CAST: variants seen among roughly 807,000 people sequenced by gnomAD.
CAST encodes calpastatin, also known as MIR583 host.
Under a neutral mutation model 119.6 loss-of-function variants are expected in CAST, and 76 were observed. The ratio of observed to expected loss-of-function variants is 0.64; its 90% confidence interval spans 0.53 to 0.77. The LOEUF (loss-of-function observed/expected upper bound fraction) is 0.77. Among genes scored for constraint, CAST ranks in the 30% least tolerant of loss-of-function variants. The pLI is 0.00. For synonymous variants in CAST, 319 were observed against 331.6 expected (o/e 0.96, Z 0.41); for missense variants, 953 against 946.5 (o/e 1.01, Z -0.09).
At chr5:96,646,711 T>G (rs1005507947) in intron 1 of CAST, among the ~76,000 whole-genome samples, 5 of 152,228 alleles carry the variant, frequency 3.3e-5, no homozygotes, top group Non-Finnish European at 5.9e-5. Context: ...CATCATCGAT[T>G]GATTTTTATT....
At chr5:96,682,672 A>G (rs1033521314) in intron 2 of CAST, among the ~76,000 whole-genome samples, 5 of 152,084 alleles carry the variant, frequency 3.3e-5, no homozygotes, top group African/African-American at 9.7e-5. Flanking sequence ...GTCAGCTGTG[A>G]TGAGCACATT....
chr5:96,467,279 A>T, the CAST span, among the ~76,000 whole-genome samples: 1 of 152,132 alleles, frequency 6.6e-6, no homozygotes, highest in Admixed American at 6.6e-5. Flanking sequence ...ATTAGTATAT[A>T]AGTTGTCTTT....
chr5:96,510,385 C>T, the CAST span, among the ~76,000 whole-genome samples: 1 of 152,112 alleles, frequency 6.6e-6, no homozygotes, highest in Non-Finnish European at 1.5e-5. Flanking sequence ...AGTAACCTTC[C>T]AGTTTGATGA....
chr5:96,388,745 T>C, the CAST span, among the ~76,000 whole-genome samples: 1 of 152,206 alleles, frequency 6.6e-6, no homozygotes, highest in Non-Finnish European at 1.5e-5. Flanking sequence ...TACACGTGCA[T>C]GTATTTGTGT....
chr5:96,694,654 C>A lies in CAST; in HGVS notation c.139-1182C>A, dbSNP rs148470437. 6.2e-3 allele frequency among the ~76,000 whole-genome samples: 940 copies of A among 152,084 alleles called. 10 individuals carry two copies. Among genetic ancestry groups the A allele is most frequent in the African/African-American group, 0.021 (889 of 41,474 alleles). On this transcript the variant is annotated intron_variant, in intron 2 of 31. Transcript: ENST00000675179. ...TCAAAAAAACAAACAAACAAACAAA[C>A]AAAAAAACTTTATGTGCTTGCTTCT...
the CAST span, among the ~76,000 whole-genome samples, chr5:96,032,745 A>G: frequency 6.6e-6 from 1 of 152,064 alleles, no homozygotes; most frequent in Non-Finnish European, 1.5e-5. Context: ...ATTGTGAAAA[A>G]CTTTATATAC....
chr5:96,689,874 T>C (rs1468103396), intron 2 of CAST, among the ~76,000 whole-genome samples: 5 of 152,200 alleles, frequency 3.3e-5, no homozygotes, highest in Admixed American at 3.3e-4. Context: ...CCCTCTTTCT[T>C]CCTTGTGTGA....
chr5:96,425,008 AAAAGAAAGAAAGAAAG>A, the CAST span, among the ~76,000 whole-genome samples: 6,216 of 117,388 alleles, frequency 0.053, 221 homozygotes, highest in East Asian at 0.091. Context: ...AGAAAGAAAG[AAAAGAAAGAAAGAAAG>A]AAAGAAAGAA....
At chr5:96,585,233 C>T (rs1746839287) in intron 1 of CAST, among the ~76,000 whole-genome samples, 1 of 152,066 alleles carries the variant, frequency 6.6e-6, no homozygotes, top group Admixed American at 6.6e-5. Flanking sequence ...TCAGCTTCTT[C>T]AGCCCTTCTC....
the CAST span, among the ~76,000 whole-genome samples, chr5:96,109,953 T>G: frequency 3.4e-4 from 51 of 151,122 alleles, no homozygotes; most frequent in South Asian, 5.9e-3. Context: ...AGAAAAAAAA[T>G]AAAGCACCGC....
chr5:96,604,006 C>T lies in CAST; in HGVS notation c.61-71533C>T, dbSNP rs149042642. Among the ~76,000 whole-genome samples the T allele has an allele frequency of 3.8e-3, 577 of 152,246 alleles. 4 individuals carry two copies. The highest frequency in any genetic ancestry group is 0.013 in the African/African-American group (548 of 41,540). On this transcript the variant is annotated intron_variant, in intron 1 of 11. Coordinates refer to the CAST transcript ENST00000505143. ...ACTTGTATTCCTGTGCTCAAGCAATCTTCCCCCCTCAGCTTCCCAAAGTGC... is the reference window on the plus strand; with the variant it reads ...ACTTGTATTCCTGTGCTCAAGCAATTTTCCCCCCTCAGCTTCCCAAAGTGC...
At chr5:96,125,907 A>G in the CAST span, among the ~76,000 whole-genome samples, 1 of 152,038 alleles carries the variant, frequency 6.6e-6, no homozygotes, top group African/African-American at 2.4e-5. Flanking sequence ...CAGGGTTTTG[A>G]CATTGCTTAC....
intron 1 of CAST, among the ~76,000 whole-genome samples, chr5:96,556,511 T>C (rs1280776905): frequency 6.6e-6 from 1 of 152,156 alleles, no homozygotes; most frequent in Non-Finnish European, 1.5e-5. Flanking sequence ...GAGAAGTCCT[T>C]AAAGGACCTG....
At chr5:96,109,153 C>T in the CAST span, among the ~76,000 whole-genome samples, 2 of 152,212 alleles carry the variant, frequency 1.3e-5, no homozygotes, top group Admixed American at 1.3e-4. Context: ...GAACCCGGTA[C>T]CTCAGATGGA....
At chr5:96,176,651 T>A in the CAST span, among the ~76,000 whole-genome samples, 1 of 152,254 alleles carries the variant, frequency 6.6e-6, no homozygotes, top group Non-Finnish European at 1.5e-5. Context: ...GATTTTGGCA[T>A]ACTTTCACTT....
chr5:96,626,033 G>A (rs571058066), intron 1 of CAST, among the ~76,000 whole-genome samples: 24 of 152,288 alleles, frequency 1.6e-4, no homozygotes, highest in African/African-American at 5.1e-4. Context: ...GGCCGTGTCC[G>A]CCTTGTCCTC....
the CAST span, chr5:96,079,070 G>A: frequency 2.8e-5 from 12 of 421,556 alleles, 1 homozygote; most frequent in East Asian, 8.8e-4. Flanking sequence ...ACCTGTATAT[G>A]TACCCATGCA....
chr5:96,678,622 A>G (rs1750978812), intron 2 of CAST, among the ~76,000 whole-genome samples: 1 of 152,004 alleles, frequency 6.6e-6, no homozygotes, highest in Non-Finnish European at 1.5e-5. Flanking sequence ...AGGCGGGCAG[A>G]TCACAAGGTC....
At chr5:96,314,833 A>G in the CAST span, among the ~76,000 whole-genome samples, 1 of 152,246 alleles carries the variant, frequency 6.6e-6, no homozygotes, top group Non-Finnish European at 1.5e-5. Context: ...TTACTGACTT[A>G]ACATAAAGTA....
Sources: allele counts gnomAD v4.1 joint callset (sites outside exome capture counted in the v4.1 genomes callset), GRCh38; gene constraint gnomAD v4.1.1; transcripts MANE v1.5; gene names NCBI Gene and HGNC (gene_info 2026-07-23, HGNC 2026-07-21).